L2HGDH: variants seen among roughly 807,000 people sequenced by gnomAD.
L2HGDH encodes the protein L-2-hydroxyglutarate dehydrogenase, mitochondrial.
In L2HGDH, 34 loss-of-function variants were observed where a neutral mutation model predicts 51.5. That is an observed-to-expected ratio of 0.66 (90% CI 0.50 to 0.88). L2HGDH has a LOEUF of 0.88. L2HGDH is among the 40% of genes least tolerant of loss of function. L2HGDH has a pLI of 0.00. For synonymous variants in L2HGDH, 198 were observed against 197.9 expected (o/e 1.00, Z -0.01); for missense variants, 558 against 571.9 (o/e 0.98, Z 0.25).
intron 1 of L2HGDH, among the ~76,000 whole-genome samples, chr14:50,304,954 C>T (rs2030643789): frequency 6.6e-6 from 1 of 152,144 alleles, no homozygotes; most frequent in African/African-American, 2.4e-5. Context: ...GAACTGTAGA[C>T]AGAGGGAAAT....
intron 4 of L2HGDH, among the ~76,000 whole-genome samples, chr14:50,286,543 G>T (rs1862501410): frequency 6.6e-6 from 1 of 152,126 alleles, no homozygotes; most frequent in Admixed American, 6.5e-5. Context: ...CCGTACAATG[G>T]GCATTTTACC....
chr14:50,273,982 C>A (rs11849059), intron 6 of L2HGDH, among the ~76,000 whole-genome samples: 88,006 of 151,944 alleles, frequency 0.58, 25,532 homozygotes, highest in East Asian at 0.66. Flanking sequence ...GGAGGGTGAG[C>A]CAGGAGAATC....
intron 1 of L2HGDH, among the ~76,000 whole-genome samples, chr14:50,303,369 T>C (rs1466446622): frequency 2.7e-5 from 4 of 149,688 alleles, no homozygotes; most frequent in African/African-American, 7.4e-5. Context: ...TTGCAGTGAG[T>C]GGAGATCACG....
At position 50,267,876 on chromosome 14, in the gene L2HGDH, T is replaced by C. The variant is rs752880878; in HGVS notation, c.941A>G (p.His314Arg). The C allele has an allele frequency of 5.0e-6, 8 of 1,614,162 alleles. No homozygotes were observed. Among genetic ancestry groups the C allele is most frequent in the Non-Finnish European group, 6.8e-6 (8 of 1,180,004 alleles). Residue 314 changes from histidine to arginine, a missense_variant, in exon 8 of 10, where the codon CAC (histidine) becomes CGC (arginine). Coordinates refer to ENST00000267436, the MANE Select transcript of L2HGDH (RefSeq NM_024884.3). ...ACTGCCATCCATCCTTGGTGTGAAG[T>C]GAACTCCTAGGAAAGGAAACCGGCT... ...PDSRFPFLGVHFTPRMDGSIW... is the reference protein window; with the variant it reads ...PDSRFPFLGVRFTPRMDGSIW...
chr14:50,268,579 C>A (rs899500229), intron 7 of L2HGDH, among the ~76,000 whole-genome samples: 1 of 152,088 alleles, frequency 6.6e-6, no homozygotes, highest in Non-Finnish European at 1.5e-5. Flanking sequence ...ATAGCACAGG[C>A]TTCTGCAAAG....
intron 3 of L2HGDH, among the ~76,000 whole-genome samples, chr14:50,296,030 C>T (rs562620965): frequency 6.6e-5 from 10 of 152,122 alleles, no homozygotes; most frequent in Admixed American, 5.2e-4. Flanking sequence ...TGAGCCACCA[C>T]ACCCAGCCTC....
intron 4 of L2HGDH, among the ~76,000 whole-genome samples, chr14:50,284,852 T>C (rs983844554): frequency 2.0e-5 from 3 of 152,232 alleles, no homozygotes; most frequent in Admixed American, 6.5e-5. Context: ...GTTGTGGTGG[T>C]TTTAAAATAA....
rs944026910 is a variant in L2HGDH, at chr14:50,296,640, C to T, written c.409-2394G>A. Among the ~76,000 whole-genome samples, 6 of 144,238 alleles carry T rather than the reference C, an allele frequency of 4.2e-5. No homozygotes were observed. The East Asian group carries it at 1.2e-3, about 29-fold the overall frequency. The allele number at this position is 144,238 out of a possible 152,430, so 94.6% of individuals were successfully genotyped here. ...GGCCCAGAGGCTTTATTCATGAATG[C>T]TACCAGATGTTAAAAAAAAAAGTAA... On this transcript the variant is annotated intron_variant, in intron 3 of 9. Transcript: ENST00000267436.
intron 9 of L2HGDH, 107 bp from the exon 10 acceptor site, chr14:50,247,360 A>C (rs1391532214): frequency 8.6e-6 from 13 of 1,503,842 alleles, no homozygotes; most frequent in African/African-American, 1.4e-5. Flanking sequence ...CTAAATGCAC[A>C]ATTATATGGA....
intron 8 of L2HGDH, among the ~76,000 whole-genome samples, chr14:50,267,426 C>A (rs941808405): frequency 6.6e-6 from 1 of 152,196 alleles, no homozygotes; most frequent in African/African-American, 2.4e-5. Context: ...TCATGATCCA[C>A]CTGCCTCGGC....
At chr14:50,259,645 T>C (rs1267604437) in intron 9 of L2HGDH, among the ~76,000 whole-genome samples, 2 of 151,376 alleles carry the variant, frequency 1.3e-5, no homozygotes, top group Non-Finnish European at 2.9e-5. Context: ...ATGGCCAACA[T>C]AGTAAAATCC....
chr14:50,283,904 T>C lies in L2HGDH; in HGVS notation c.670A>G (p.Met224Val). 2 of 1,614,136 alleles carry C rather than the reference T, an allele frequency of 1.2e-6. No homozygotes were observed. Among genetic ancestry groups the C allele is most frequent in the Non-Finnish European group, 1.7e-6 (2 of 1,180,010 alleles). Residue 224 changes from methionine to valine, a missense_variant, in exon 5 of 10, where the codon ATG (methionine) becomes GTG (valine). Around this residue, in one of 3 missense-constraint regions of L2HGDH, gnomAD observed 321 missense variants for 311.8 expected, o/e 1.03. Transcript: ENST00000267436. ...LTNFEVKGIEMAKESPSRSID... is the reference protein window; with the variant it reads ...LTNFEVKGIEVAKESPSRSID... ...CTTCTTGAAGGACTTTCTTTAGCCATTTCAATACCTTTTACTTCAAAATTG... is the reference window on the plus strand; with the variant it reads ...CTTCTTGAAGGACTTTCTTTAGCCACTTCAATACCTTTTACTTCAAAATTG...
intron 1 of L2HGDH, chr14:50,311,537 G>C (rs913581736): frequency 2.2e-6 from 1 of 449,406 alleles, no homozygotes; most frequent in Admixed American, 2.4e-5. Flanking sequence ...AGCTGCCTCC[G>C]ACGGGGGCAA....
intron 5 of L2HGDH, 135 bp downstream of exon 5, chr14:50,283,735 TG>T: frequency 1.5e-6 from 1 of 674,704 alleles, no homozygotes; most frequent in Admixed American, 2.8e-5. Context: ...ATTTGTATTA[TG>T]TATTATTCTA....
chr14:50,278,514 CT>C lies in L2HGDH; in HGVS notation c.738+5del. 3 of 1,484,786 alleles carry C rather than the reference CT, an allele frequency of 2.0e-6. No individual in the cohort carries two copies. Among genetic ancestry groups the C allele is most frequent in the Non-Finnish European group, 2.8e-6 (3 of 1,069,138 alleles). The allele number at this position is 1,484,786 out of a possible 1,614,324, so 92.0% of individuals were successfully genotyped here. On this transcript the variant is annotated splice_donor_5th_base_variant and intron_variant, in intron 6 of 9. Transcript: ENST00000267436. ...GTAGCCAGCAGTTTTGCTTAAGAATCTTTACCTTTGTATTCTTTATAACAAT... is the reference window on the plus strand; with the variant it reads ...GTAGCCAGCAGTTTTGCTTAAGAATCTTACCTTTGTATTCTTTATAACAAT...
intron 1 of L2HGDH, among the ~76,000 whole-genome samples, chr14:50,309,396 C>G (rs987215159): frequency 6.6e-6 from 1 of 152,000 alleles, no homozygotes; most frequent in Non-Finnish European, 1.5e-5. Flanking sequence ...AACCCTATCT[C>G]TACTCAAAAT....
rs1321556077 is a variant in L2HGDH at position 50,243,402 on chromosome 14, T to C, written c.*3656A>G. On this transcript the variant is annotated 3_prime_UTR_variant, in exon 10 of 10. Transcript: ENST00000267436. ...GCTGCTATCTATCTAAAGCAAACAGTTTATGTTTTACACATAAAAAAATTT... is the reference window on the plus strand; with the variant it reads ...GCTGCTATCTATCTAAAGCAAACAGCTTATGTTTTACACATAAAAAAATTT... The C allele has an allele frequency of 1.0e-6, 1 of 979,724 alleles. No individual in the cohort carries two copies. The highest frequency in any genetic ancestry group is 6.2e-5 in the Admixed American group (1 of 16,236). The allele number at this position is 979,724 out of a possible 1,614,324, so 60.7% of individuals were successfully genotyped here. A position where few individuals can be genotyped will look rare whatever the true frequency, so the allele number is the denominator to read the frequency against.
chr14:50,288,746 T>C (rs1341019744), intron 4 of L2HGDH, among the ~76,000 whole-genome samples: 1 of 152,226 alleles, frequency 6.6e-6, no homozygotes, highest in Non-Finnish European at 1.5e-5. Context: ...TTTAACCTTA[T>C]AGGAAAGTAA....
At position 50,244,656 on chromosome 14, in the gene L2HGDH, T is replaced by C. The variant is rs1201459202; in HGVS notation, c.*2402A>G. 3 of 985,462 alleles carry C rather than the reference T, an allele frequency of 3.0e-6. No homozygotes were observed. The highest frequency in any genetic ancestry group is 3.6e-6 in the Non-Finnish European group (3 of 829,932). 61.0% of individuals were successfully genotyped at this position (985,462 alleles called of 1,614,324 possible). ...TGAATAATGGCCTACTCTGTTTACC[T>C]GGGATGTGCTACTTCTTAAACATGA... is the stretch of plus-strand genomic sequence containing the variant. On this transcript the variant is annotated 3_prime_UTR_variant, in exon 10 of 10. Transcript: ENST00000267436.
Sources: allele counts gnomAD v4.1 joint callset (sites outside exome capture counted in the v4.1 genomes callset), GRCh38; gene constraint gnomAD v4.1.1; regional missense constraint gnomAD v4.1.1; transcripts MANE v1.5; gene names NCBI Gene and HGNC (gene_info 2026-07-23, HGNC 2026-07-21).